Variants in TTLL7 observed in about 807,000 individuals in gnomAD.
The protein encoded by TTLL7 is tubulin tyrosine ligase like 7.
A neutral mutation model predicts 120.2 loss-of-function variants in TTLL7; 53 were observed. That is an observed-to-expected ratio of 0.44 (90% CI 0.35 to 0.55). The LOEUF (loss-of-function observed/expected upper bound fraction) is 0.55. TTLL7 is among the 20% of genes least tolerant of loss of function. The pLI is 0.00. For synonymous variants in TTLL7, 353 were observed against 351.7 expected, an observed-to-expected ratio of 1.00 and a Z score of -0.04; for missense variants, 803 against 1,054.7, an observed-to-expected ratio of 0.76 and a Z score of 3.31.
intron 18 of TTLL7, among the ~76,000 whole-genome samples, chr1:83,895,932 A>T (rs664508): frequency 0.82 from 123,921 of 151,806 alleles, 51,270 homozygotes; most frequent in African/African-American, 0.95. Context: ...CCACGGAGTA[A>T]GGAATAGTTT....
intron 1 of TTLL7, chr1:83,979,714 C>G (rs982941188): frequency 1.3e-5 from 2 of 152,210 alleles, no homozygotes; most frequent in Non-Finnish European, 2.9e-5. Flanking sequence ...AAGTTAGAAG[C>G]AAAATGGAGT....
At chr1:83,966,151 TG>T (rs139967797) in intron 1 of TTLL7, among the ~76,000 whole-genome samples, 3,531 of 152,234 alleles carry the variant, frequency 0.023, 66 homozygotes, top group Non-Finnish European at 0.035. Context: ...CCATAAATAA[TG>T]TGGGTACGCC....
At chr1:83,991,613 C>A (rs1393435523) in intron 1 of TTLL7, among the ~76,000 whole-genome samples, 1 of 152,064 alleles carries the variant, frequency 6.6e-6, no homozygotes, top group Non-Finnish European at 1.5e-5. Context: ...CACTGCACTC[C>A]AGCCTAGGTG....
At chr1:83,894,964 T>A (rs1656087431) in intron 18 of TTLL7, among the ~76,000 whole-genome samples, 1 of 152,028 alleles carries the variant, frequency 6.6e-6, no homozygotes, top group Admixed American at 6.6e-5. Context: ...GGAACCCAAA[T>A]CCTTCAACTC....
chr1:83,939,165 A>C (rs1460737756), intron 7 of TTLL7, among the ~76,000 whole-genome samples: 1 of 152,204 alleles, frequency 6.6e-6, no homozygotes, highest in Admixed American at 6.5e-5. Flanking sequence ...CTTATGAAAC[A>C]GGAAAAGTTT....
At chr1:83,961,777 C>A (rs1250715536) in intron 1 of TTLL7, among the ~76,000 whole-genome samples, 2 of 152,088 alleles carry the variant, frequency 1.3e-5, no homozygotes, top group Admixed American at 6.6e-5. Context: ...TCTCCAGTAG[C>A]CTAAAACTCT....
At chr1:83,894,063 AT>A (rs1299787816) in intron 18 of TTLL7, among the ~76,000 whole-genome samples, 1 of 152,060 alleles carries the variant, frequency 6.6e-6, no homozygotes, top group African/African-American at 2.4e-5. Context: ...AACTCTTTAT[AT>A]TTTTTAGTGT....
chr1:83,989,745 A>C (rs12141166), intron 1 of TTLL7, among the ~76,000 whole-genome samples: 7,134 of 152,202 alleles, frequency 0.047, 224 homozygotes, highest in Middle Eastern at 0.11. Flanking sequence ...ATAGCACTGA[A>C]TCTGTAGACT....
intron 8 of TTLL7, among the ~76,000 whole-genome samples, chr1:83,935,235 C>G (rs1213830157): frequency 1.3e-5 from 2 of 151,914 alleles, no homozygotes; most frequent in African/African-American, 4.8e-5. Flanking sequence ...CACTTGAGAG[C>G]AGAAAAAGTT....
At chr1:83,885,441 T>C (rs1350674559) in intron 19 of TTLL7, among the ~76,000 whole-genome samples, 2 of 152,012 alleles carry the variant, frequency 1.3e-5, no homozygotes, top group African/African-American at 2.4e-5. Context: ...TCTAATCTGA[T>C]GTAACTTCTT....
rs1450673358 is a variant in TTLL7, at chr1:83,883,151, ACAG to A, written c.2370-18_2370-16del. The A allele has an allele frequency of 6.4e-7, 1 of 1,571,170 alleles. No individual in the cohort carries two copies. Among genetic ancestry groups the A allele is most frequent in the South Asian group, 1.2e-5 (1 of 85,134 alleles). On this transcript the variant is annotated splice_polypyrimidine_tract_variant and intron_variant, in intron 19 of 20. Transcript: ENST00000260505. ...CCCAAGAGGATCTGTTGGCATGGAA[ACAG>A]ACATGATCTCATGTTGGCTGTTAAA...
intron 19 of TTLL7, chr1:83,889,882 T>C (rs902501354): frequency 4.4e-6 from 2 of 456,090 alleles, no homozygotes; most frequent in African/African-American, 2.0e-5. Context: ...AGAATAATAA[T>C]AGGATTAAGG....
chr1:83,958,294 A>G (rs137991827), intron 1 of TTLL7, among the ~76,000 whole-genome samples: 455 of 152,340 alleles, frequency 3.0e-3, no homozygotes, highest in African/African-American at 0.01. Context: ...AATTTTGCAA[A>G]TATGTCTCAA....
At chr1:83,887,784 A>G (rs932037301) in intron 19 of TTLL7, among the ~76,000 whole-genome samples, 1 of 151,982 alleles carries the variant, frequency 6.6e-6, no homozygotes, top group African/African-American at 2.4e-5. Context: ...TACAGTTACT[A>G]TGGGAAATTG....
intron 6 of TTLL7, among the ~76,000 whole-genome samples, chr1:83,945,396 A>G (rs941703359): frequency 1.1e-4 from 16 of 152,244 alleles, no homozygotes; most frequent in African/African-American, 3.4e-4. Flanking sequence ...TTAAAAGTCA[A>G]TGCCTCAAAA....
intron 1 of TTLL7, among the ~76,000 whole-genome samples, chr1:83,977,833 A>G (rs996989223): frequency 1.3e-5 from 2 of 152,210 alleles, no homozygotes; most frequent in African/African-American, 4.8e-5. Context: ...TTGTGACTGC[A>G]AGATCCGACA....
At chr1:83,952,090 A>G in intron 2 of TTLL7, 97 bp downstream of exon 2, 2 of 1,503,594 alleles carry the variant, frequency 1.3e-6, no homozygotes, top group Non-Finnish European at 1.8e-6. Flanking sequence ...TGGTACTTTA[A>G]AAAGTCCCCA....
intron 5 of TTLL7, chr1:83,947,533 T>C: frequency 2.8e-6 from 1 of 355,528 alleles, no homozygotes; most frequent in South Asian, 4.0e-5. Context: ...TACATATTAG[T>C]ACATCAAAAA....
intron 1 of TTLL7, among the ~76,000 whole-genome samples, chr1:83,988,293 C>T (rs1237184430): frequency 6.6e-6 from 1 of 152,142 alleles, no homozygotes. Flanking sequence ...GATGGCACCT[C>T]GGTTGATTTC....
Sources: gnomAD v4.1 joint callset for allele counts (sites outside exome capture counted in the v4.1 genomes callset) on GRCh38, gnomAD v4.1.1 for gene constraint, MANE v1.5 for transcripts, NCBI Gene and HGNC (gene_info 2026-07-23, HGNC 2026-07-21) for gene names.